Variants in ADCY5 observed in about 807,000 individuals in gnomAD.
ADCY5 encodes the protein adenylate cyclase type 5.
In ADCY5, 30 loss-of-function variants were observed where a neutral mutation model predicts 119.7. That is an observed-to-expected ratio of 0.25 (90% CI 0.19 to 0.34). ADCY5 has a LOEUF of 0.34. Ranked by LOEUF, ADCY5 falls within the 10% of genes least tolerant of loss-of-function variation. The pLI, the probability that ADCY5 is intolerant of heterozygous loss-of-function variation, is 1.00. For missense variants in ADCY5, 1,324 were observed against 1,775.2 expected, an observed-to-expected ratio of 0.75 and a Z score of 4.57; for synonymous variants, 753 against 762.2, an observed-to-expected ratio of 0.99 and a Z score of 0.20.
chr3:123,345,795 C>G (rs949188939), intron 3 of ADCY5, among the ~76,000 whole-genome samples: 7 of 151,456 alleles, frequency 4.6e-5, no homozygotes, highest in South Asian at 2.1e-4. Context: ...CACACACACA[C>G]AGGAAACCAA....
intron 2 of ADCY5, among the ~76,000 whole-genome samples, chr3:123,348,895 G>A (rs1942701802): frequency 6.6e-6 from 1 of 152,126 alleles, no homozygotes; most frequent in Non-Finnish European, 1.5e-5. Context: ...TGCACCAGAT[G>A]CTAGAGTCAC....
At chr3:123,331,416 T>C (rs888716882) in intron 4 of ADCY5, among the ~76,000 whole-genome samples, 2 of 152,244 alleles carry the variant, frequency 1.3e-5, no homozygotes, top group Non-Finnish European at 2.9e-5. Context: ...CAGGAGTCAC[T>C]CTGATTCGTT....
At chr3:123,297,717 A>T (rs1345115488) in intron 15 of ADCY5, among the ~76,000 whole-genome samples, 1 of 152,178 alleles carries the variant, frequency 6.6e-6, no homozygotes, top group Non-Finnish European at 1.5e-5. Context: ...TGGAGGAGAG[A>T]TCCCACAGCT....
At chr3:123,378,385 A>G (rs922853519) in intron 1 of ADCY5, among the ~76,000 whole-genome samples, 4 of 152,110 alleles carry the variant, frequency 2.6e-5, no homozygotes, top group Admixed American at 1.3e-4. Flanking sequence ...TCGAAAAAAA[A>G]AAAGAAAGAA....
chr3:123,355,643 A>C (rs1943013939), intron 1 of ADCY5, among the ~76,000 whole-genome samples: 1 of 152,036 alleles, frequency 6.6e-6, no homozygotes, highest in Admixed American at 6.6e-5. Flanking sequence ...AAATCTAAAA[A>C]AAAAAAAACT....
At chr3:123,339,686 T>A (rs369151280) in intron 3 of ADCY5, among the ~76,000 whole-genome samples, 36 of 152,242 alleles carry the variant, frequency 2.4e-4, no homozygotes, top group African/African-American at 8.7e-4. Context: ...ATGTCCTAGA[T>A]TCGACTAAGG....
Position 123,318,210 on chromosome 3 carries a change from T to G in ADCY5, c.2257-93A>C, listed in dbSNP as rs79292701. The G allele has an allele frequency of 0.013, 11,938 of 936,982 alleles. 911 individuals are homozygous for G. The African/African-American group carries it at 0.17, about 13-fold the overall frequency. The allele number at this position is 936,982 out of a possible 1,614,324, so 58.0% of individuals were successfully genotyped here. On this transcript the variant is annotated intron_variant, in intron 10 of 20. Transcript: ENST00000462833. ...CCCACACACCCAGGGAAGCCACTCA[T>G]GGCTGGTCACCTGTGCAGCCCACTC...
chr3:123,432,852 G>A (rs1415746838), intron 1 of ADCY5, among the ~76,000 whole-genome samples: 1 of 152,134 alleles, frequency 6.6e-6, no homozygotes, highest in East Asian at 1.9e-4. Context: ...CTAAGGCAGG[G>A]CCCAGGCACA....
chr3:123,410,511 T>C (rs1442352772), intron 1 of ADCY5, among the ~76,000 whole-genome samples: 2 of 152,194 alleles, frequency 1.3e-5, no homozygotes, highest in African/African-American at 4.8e-5. Flanking sequence ...CTGTCTGCCT[T>C]TGGAATGACC....
intron 13 of ADCY5, 31 bp from the exon 14 acceptor site, chr3:123,303,250 G>C (rs765774970): frequency 1.2e-6 from 2 of 1,603,914 alleles, no homozygotes; most frequent in Admixed American, 3.4e-5. Flanking sequence ...GATGAGGGGA[G>C]GGTAAGCTGC....
chr3:123,442,291 CT>C, intron 1 of ADCY5, among the ~76,000 whole-genome samples: 1 of 152,310 alleles, frequency 6.6e-6, no homozygotes, highest in Non-Finnish European at 1.5e-5. Context: ...CAGCAAGGCA[CT>C]CAGCAAGAGG....
intron 1 of ADCY5, among the ~76,000 whole-genome samples, chr3:123,411,456 A>G (rs1373248993): frequency 1.3e-5 from 2 of 152,130 alleles, no homozygotes; most frequent in African/African-American, 2.4e-5. Context: ...GGGAGGTAAC[A>G]CTCATAGTGC....
intron 1 of ADCY5, among the ~76,000 whole-genome samples, chr3:123,432,952 G>A (rs1287899911): frequency 1.3e-5 from 2 of 152,182 alleles, no homozygotes; most frequent in Non-Finnish European, 1.5e-5. Flanking sequence ...CAGAACTCCT[G>A]TGGAACCTGA....
At chr3:123,398,066 G>A (rs1032096545) in intron 1 of ADCY5, among the ~76,000 whole-genome samples, 17 of 152,144 alleles carry the variant, frequency 1.1e-4, no homozygotes, top group African/African-American at 4.1e-4. Context: ...CCCTTTGTCT[G>A]GGTTACTCTA....
At chr3:123,328,563 G>C in intron 6 of ADCY5, 81 bp downstream of exon 6, 2 of 1,496,202 alleles carry the variant, frequency 1.3e-6, no homozygotes, top group Non-Finnish European at 9.1e-7. Flanking sequence ...GCCCCGCCTC[G>C]CCTCTGCAGG....
chr3:123,377,619 T>C (rs1468233517), intron 1 of ADCY5, among the ~76,000 whole-genome samples: 4 of 145,414 alleles, frequency 2.8e-5, no homozygotes, highest in Non-Finnish European at 6.2e-5. Context: ...CAAGGCCTGT[T>C]CTGCTCACCA....
chr3:123,331,454 A>G (rs1295271238), intron 4 of ADCY5, among the ~76,000 whole-genome samples: 1 of 152,210 alleles, frequency 6.6e-6, no homozygotes, highest in East Asian at 1.9e-4. Context: ...AAGTTGTCTG[A>G]TTCTCCTCCT....
Position 123,447,830 on chromosome 3 carries a change from T to C in ADCY5, c.716A>G (p.Gln239Arg). Residue 239 changes from glutamine to arginine, a missense_variant, in exon 1 of 21, where the codon CAG becomes CGG. Around this residue, in one of 6 missense-constraint regions of ADCY5, gnomAD observed 585 missense variants for 569.9 expected, o/e 1.03. Coordinates refer to ENST00000462833, the MANE Select transcript of ADCY5 (RefSeq NM_183357.3). The stretch of plus-strand genomic sequence containing the variant: ...GGCCATGAGCATGGTGAGGCTGCTC[T>C]GGTTCAGGCGGAAGAAGTAGCGCTG... The part of the protein sequence containing the change: ...LYQRYFFRLN[Q>R]SSLTMLMAVL... The C allele has an allele frequency of 6.2e-7, 1 of 1,612,806 alleles. No individual in the cohort carries two copies. Among genetic ancestry groups the C allele is most frequent in the Non-Finnish European group, 8.5e-7 (1 of 1,179,728 alleles).
At chr3:123,366,768 G>A (rs1380776732) in intron 1 of ADCY5, among the ~76,000 whole-genome samples, 2 of 152,186 alleles carry the variant, frequency 1.3e-5, no homozygotes, top group African/African-American at 4.8e-5. Context: ...TCTCAGCCTG[G>A]ATCTGCAAAC....
Sources: gnomAD v4.1 joint callset for allele counts (sites outside exome capture counted in the v4.1 genomes callset) on GRCh38, gnomAD v4.1.1 for gene constraint, gnomAD v4.1.1 regional missense constraint, MANE v1.5 for transcripts, NCBI Gene and HGNC (gene_info 2026-07-23, HGNC 2026-07-21) for gene names.